SYTL3: variants seen among roughly 807,000 people sequenced by gnomAD.
The protein encoded by SYTL3 is synaptotagmin like 3, also known as synaptotagmin-like protein 3.
SYTL3 carries 88 observed loss-of-function variants against 82.1 expected under a neutral mutation model. The ratio of observed to expected loss-of-function variants is 1.07; its 90% confidence interval spans 0.90 to 1.28. SYTL3 has a LOEUF of 1.28. Among genes scored for constraint, SYTL3 ranks in the 50% most tolerant of loss-of-function variants. SYTL3 has a pLI of 0.00. For missense variants in SYTL3, 831 were observed against 757.6 expected, an observed-to-expected ratio of 1.10 and a Z score of -1.14; for synonymous variants, 311 against 289.4, an observed-to-expected ratio of 1.07 and a Z score of -0.76.
intron 15 of SYTL3, among the ~76,000 whole-genome samples, 156 bp from the exon 16 acceptor site, chr6:158,761,901 CGCCACAGCCTGTGGGCAGG>C (rs1228684240): frequency 6.6e-6 from 1 of 152,156 alleles, no homozygotes; most frequent in Non-Finnish European, 1.5e-5. Context: ...GTGTGGGCAG[CGCCACAGCCTGTGGGCAGG>C]GCCAGCAGAG....
At chr6:158,755,701 G>A (rs1225157507) in intron 13 of SYTL3, among the ~76,000 whole-genome samples, 1 of 152,222 alleles carries the variant, frequency 6.6e-6, no homozygotes, top group East Asian at 1.9e-4. Context: ...AGGTGGGCAT[G>A]AGGAGATGAA....
intron 2 of SYTL3, among the ~76,000 whole-genome samples, chr6:158,657,745 A>G (rs1788863599): frequency 6.6e-6 from 1 of 152,226 alleles, no homozygotes; most frequent in Non-Finnish European, 1.5e-5. Context: ...CCATCAATAC[A>G]TGGCATAGTG....
chr6:158,722,287 G>A (rs1055608253), intron 10 of SYTL3, among the ~76,000 whole-genome samples: 2 of 151,858 alleles, frequency 1.3e-5, no homozygotes, highest in East Asian at 3.8e-4. Context: ...CAGCACCCCC[G>A]AGTAGCTGGG....
chr6:158,656,597 C>T (rs529992070), intron 2 of SYTL3, among the ~76,000 whole-genome samples: 8 of 152,114 alleles, frequency 5.3e-5, no homozygotes, highest in East Asian at 3.9e-4. Flanking sequence ...TGGTGGCAGG[C>T]GCCTGTAGTC....
rs2128406966 is a variant in SYTL3, at chr6:158,682,986, G to T, written c.391G>T (p.Gly131Ter). Residue 131 changes from glycine to a stop codon, truncating the protein, a stop_gained, in exon 6 of 18, where the codon GGA (glycine) becomes TGA (stop). Transcript: ENST00000611299. LOFTEE classifies it high-confidence loss of function. ...YEERAKKFPT[G>*]GKHETVGGQL... ...GGAACGAGCCAAGAAATTTCCAACT[G>T]GAGGTAAATGCTCTTTACTTTTTTA... The T allele has an allele frequency of 6.2e-7, 1 of 1,606,122 alleles. No homozygotes were observed. The highest frequency in any genetic ancestry group is 1.1e-5 in the South Asian group (1 of 90,904).
intron 6 of SYTL3, among the ~76,000 whole-genome samples, chr6:158,694,843 T>C (rs1780393584): frequency 6.6e-6 from 1 of 152,294 alleles, no homozygotes; most frequent in East Asian, 1.9e-4. Context: ...CGTCACTCCA[T>C]GATAATGAGG....
At chr6:158,659,092 C>A (rs529422832) in intron 2 of SYTL3, among the ~76,000 whole-genome samples, 2 of 152,148 alleles carry the variant, frequency 1.3e-5, no homozygotes, top group Non-Finnish European at 2.9e-5. Flanking sequence ...GGATCAAAGT[C>A]TCTAAAAGTG....
chr6:158,734,160 A>G (rs991899511), intron 11 of SYTL3, among the ~76,000 whole-genome samples: 2 of 152,094 alleles, frequency 1.3e-5, no homozygotes, highest in African/African-American at 4.8e-5. Context: ...TGCTAAAAAA[A>G]ACCTTTTTGT....
At chr6:158,709,446 C>G (rs192818261) in intron 8 of SYTL3, among the ~76,000 whole-genome samples, 182 of 152,256 alleles carry the variant, frequency 1.2e-3, no homozygotes, top group Non-Finnish European at 2.1e-3. Flanking sequence ...ATATTGCTTT[C>G]ACACCATCAT....
chr6:158,696,460 C>A (rs936606066), intron 6 of SYTL3, among the ~76,000 whole-genome samples: 4 of 151,748 alleles, frequency 2.6e-5, no homozygotes, highest in African/African-American at 9.7e-5. Flanking sequence ...GCCTCGGCCT[C>A]CCAAAGTGCT....
Position 158,762,124 on chromosome 6 carries a change from G to T in SYTL3, c.1463G>T (p.Gly488Val). ...LHGQLCLVVL[G>V]AKNLPVRPDG... ...GGTCAACTTTGTTTGGTAGTGCTAG[G>T]AGCCAAGAATTTACCTGTGCGGCCA... Residue 488 changes from glycine (G) to valine (V), a missense_variant, in exon 16 of 18, where the codon GGA becomes GTA. Coordinates refer to ENST00000611299, the MANE Select transcript of SYTL3 (RefSeq NM_001242394.2). The T allele has an allele frequency of 6.2e-7, 1 of 1,613,866 alleles. No individual in the cohort carries two copies. The highest frequency in any genetic ancestry group is 8.5e-7 in the Non-Finnish European group (1 of 1,179,962).
intron 17 of SYTL3, among the ~76,000 whole-genome samples, chr6:158,763,899 G>A (rs112503373): frequency 7.9e-5 from 12 of 152,272 alleles, no homozygotes; most frequent in African/African-American, 2.2e-4. Context: ...AGAGCCGCTC[G>A]GCAGGGCACC....
intron 9 of SYTL3, 118 bp downstream of exon 9, chr6:158,713,996 C>A: frequency 1.4e-6 from 1 of 737,230 alleles, no homozygotes; most frequent in South Asian, 1.5e-5. Context: ...CACTTTGTCT[C>A]TGGACCCTGG....
intron 13 of SYTL3, among the ~76,000 whole-genome samples, chr6:158,754,737 A>G (rs998408577): frequency 1.3e-5 from 2 of 152,200 alleles, no homozygotes; most frequent in Non-Finnish European, 2.9e-5. Flanking sequence ...AAAACAAAAC[A>G]AAGCAAAGGT....
intron 5 of SYTL3, among the ~76,000 whole-genome samples, chr6:158,670,023 A>G (rs16900925): frequency 0.032 from 4,804 of 152,344 alleles, 274 homozygotes; most frequent in African/African-American, 0.11. Flanking sequence ...ATATTGTTAC[A>G]GGATGATGCA....
intron 1 of SYTL3, 147 bp downstream of exon 1, chr6:158,650,225 G>T (rs919197025): frequency 1.3e-5 from 2 of 152,082 alleles, no homozygotes; most frequent in East Asian, 3.8e-4. Context: ...TTAGATAAAA[G>T]ATATCTTGTA....
intron 11 of SYTL3, 122 bp from the exon 12 acceptor site, chr6:158,745,358 A>T: frequency 2.4e-6 from 2 of 850,896 alleles, no homozygotes; most frequent in Non-Finnish European, 3.6e-6. Context: ...GTGCATTATT[A>T]ACTTGATGTG....
At chr6:158,758,194 A>T (rs1432534982) in intron 14 of SYTL3, among the ~76,000 whole-genome samples, 1 of 152,114 alleles carries the variant, frequency 6.6e-6, no homozygotes, top group Non-Finnish European at 1.5e-5. Context: ...TAATCCCAGC[A>T]CTTTGGGAGG....
intron 10 of SYTL3, among the ~76,000 whole-genome samples, chr6:158,719,379 T>A (rs1245686214): frequency 6.6e-6 from 1 of 152,120 alleles, no homozygotes; most frequent in Non-Finnish European, 1.5e-5. Flanking sequence ...CCAGCTCTTA[T>A]GAGTATAGGG....
Sources: gnomAD v4.1 joint callset for allele counts (sites outside exome capture counted in the v4.1 genomes callset) on GRCh38, gnomAD v4.1.1 for gene constraint, MANE v1.5 for transcripts, NCBI Gene and HGNC (gene_info 2026-07-23, HGNC 2026-07-21) for gene names.